Variants in TOX3 observed in about 807,000 individuals in gnomAD.
TOX3 encodes the protein CAG trinucleotide repeat-containing gene F9 protein.
In TOX3, 22 loss-of-function variants were observed where a neutral mutation model predicts 64.3. That is an observed-to-expected ratio of 0.34 (90% CI 0.24 to 0.49). TOX3 has a LOEUF of 0.49. Ranked by LOEUF, TOX3 falls within the 20% of genes least tolerant of loss-of-function variation. The pLI, the probability that TOX3 is intolerant of heterozygous loss-of-function variation, is 0.99. For missense variants in TOX3, 661 were observed against 714.4 expected, an observed-to-expected ratio of 0.93 and a Z score of 0.85; for synonymous variants, 291 against 273.6, an observed-to-expected ratio of 1.06 and a Z score of -0.63.
chr16:52,480,821 G>A (rs1359851664), intron 1 of TOX3, among the ~76,000 whole-genome samples: 6 of 152,164 alleles, frequency 3.9e-5, no homozygotes, highest in African/African-American at 1.4e-4. Flanking sequence ...CTAATGCACA[G>A]ATGCAGATAA....
chr16:52,502,094 A>G (rs1786270175), intron 1 of TOX3, among the ~76,000 whole-genome samples: 1 of 152,226 alleles, frequency 6.6e-6, no homozygotes, highest in Non-Finnish European at 1.5e-5. Context: ...CTGCAACTCC[A>G]TTCTTTCCTA....
intron 3 of TOX3, among the ~76,000 whole-genome samples, chr16:52,463,432 T>G (rs940859156): frequency 1.6e-4 from 24 of 152,224 alleles, no homozygotes; most frequent in Admixed American, 6.5e-5. Flanking sequence ...ACATAATCAC[T>G]TGTTCTATAT....
chr16:52,530,091 T>A (rs898295435), intron 1 of TOX3, among the ~76,000 whole-genome samples: 1 of 152,206 alleles, frequency 6.6e-6, no homozygotes, highest in African/African-American at 2.4e-5. Flanking sequence ...CTTAGATATA[T>A]TATTTCTTCC....
chr16:52,519,665 G>C (rs1962551924), intron 1 of TOX3: 2 of 1,273,610 alleles, frequency 1.6e-6, no homozygotes, highest in South Asian at 3.7e-5. Flanking sequence ...CAAGCAAGAA[G>C]TAGTAGAATG....
rs140151872 is a variant in TOX3, at chr16:52,437,755, C to A, written c.*1470G>T. 7.8e-3 allele frequency among the ~76,000 whole-genome samples: 1,038 copies of A among 132,992 alleles called. 7 individuals carry two copies. The highest frequency in any genetic ancestry group is 0.051 in the Middle Eastern group (12 of 236). The allele number at this position is 132,992 out of a possible 152,430, so 87.2% of individuals were successfully genotyped here. ...TCTAGCCCCCTCAAAAAAGCGATTACTTTTTTCTCTATACTTACCTTGTAC... is the reference window on the plus strand; with the variant it reads ...TCTAGCCCCCTCAAAAAAGCGATTAATTTTTTCTCTATACTTACCTTGTAC... On this transcript the variant is annotated 3_prime_UTR_variant, in exon 7 of 7. Coordinates refer to ENST00000219746, the MANE Select transcript of TOX3 (RefSeq NM_001080430.4).
intron 3 of TOX3, among the ~76,000 whole-genome samples, chr16:52,461,500 C>T (rs1960687817): frequency 6.6e-6 from 1 of 151,988 alleles, no homozygotes; most frequent in Non-Finnish European, 1.5e-5. Context: ...TTGTTGCCAA[C>T]AATAATGCAG....
intron 6 of TOX3, among the ~76,000 whole-genome samples, chr16:52,443,138 C>T (rs1960053311): frequency 6.6e-6 from 1 of 152,214 alleles, no homozygotes; most frequent in African/African-American, 2.4e-5. Context: ...CACTGTTACT[C>T]TATTCACTTC....
chr16:52,442,088 T>C (rs928061574), intron 6 of TOX3, among the ~76,000 whole-genome samples: 2 of 152,240 alleles, frequency 1.3e-5, no homozygotes, highest in Non-Finnish European at 2.9e-5. Context: ...AGTTGCACTA[T>C]TGTGCCTTTA....
At chr16:52,535,612 C>T (rs927265290) in intron 1 of TOX3, among the ~76,000 whole-genome samples, 7 of 152,150 alleles carry the variant, frequency 4.6e-5, no homozygotes, top group Non-Finnish European at 8.8e-5. Context: ...TCATTTAAGA[C>T]GTTGCTGTTC....
intron 1 of TOX3, among the ~76,000 whole-genome samples, chr16:52,490,209 C>T (rs1961640967): frequency 6.6e-6 from 1 of 152,034 alleles, no homozygotes; most frequent in Non-Finnish European, 1.5e-5. Context: ...GTGGCACTTC[C>T]CCCTTCACTC....
intron 1 of TOX3, among the ~76,000 whole-genome samples, chr16:52,483,540 T>G (rs1961421820): frequency 6.6e-6 from 1 of 150,462 alleles, no homozygotes; most frequent in African/African-American, 2.4e-5. Flanking sequence ...TAAAGTTGCT[T>G]CCTCTATTAG....
Position 52,541,295 on chromosome 16 carries a change from G to A in TOX3, c.87+5342C>T, listed in dbSNP as rs555834931. On this transcript the variant is annotated intron_variant, in intron 1 of 6. Transcript: ENST00000219746. ...CACTTGATCTGCAATTTGTCTGGTG[G>A]CAGTAACCTTTCCGGGTTTGAGCAT... 1.1e-4 allele frequency among the ~76,000 whole-genome samples: 17 copies of A among 152,260 alleles called. No homozygotes were observed. In the South Asian group the frequency reaches 3.5e-3, roughly 32 times the overall value.
intron 1 of TOX3, among the ~76,000 whole-genome samples, chr16:52,483,106 T>C (rs1162808833): frequency 2.0e-5 from 3 of 152,136 alleles, no homozygotes; most frequent in Non-Finnish European, 2.9e-5. Context: ...TGCTAAATAC[T>C]CCAGACCAAA....
At position 52,520,800 on chromosome 16, in the gene TOX3, C is replaced by A. The variant is rs780981235; in HGVS notation, c.87+25837G>T. On this transcript the variant is annotated intron_variant, in intron 1 of 6. Transcript: ENST00000219746. ...GTCAAGTTTTGATGCAAATGTGTAA[C>A]CCTAAACATTTTTTTTAATTTGTTT... 5.7e-4 allele frequency among the ~76,000 whole-genome samples: 86 copies of A among 151,856 alleles called. 1 individual carries two copies. The highest frequency in any genetic ancestry group is 3.7e-4 in the Non-Finnish European group (25 of 67,976).
chr16:52,446,458 C>T (rs755750982), intron 4 of TOX3, among the ~76,000 whole-genome samples: 11 of 152,134 alleles, frequency 7.2e-5, no homozygotes, highest in Non-Finnish European at 1.3e-4. Flanking sequence ...ACAACATATG[C>T]TCGAAATAGC....
intron 3 of TOX3, among the ~76,000 whole-genome samples, chr16:52,451,017 G>A (rs763805954): frequency 5.3e-5 from 8 of 152,212 alleles, no homozygotes; most frequent in Non-Finnish European, 1.0e-4. Context: ...GCTGTTATGA[G>A]AGAAGGCGAA....
At chr16:52,448,452 C>A (rs999025482) in intron 4 of TOX3, among the ~76,000 whole-genome samples, 2 of 152,118 alleles carry the variant, frequency 1.3e-5, no homozygotes, top group African/African-American at 2.4e-5. Flanking sequence ...TGTTACCTAA[C>A]CCCATCTGAT....
At chr16:52,495,230 G>T (rs776491755) in intron 1 of TOX3, among the ~76,000 whole-genome samples, 16 of 152,264 alleles carry the variant, frequency 1.1e-4, no homozygotes, top group East Asian at 7.7e-4. Flanking sequence ...AGCCCAGAAC[G>T]TGCTTTTGGA....
At chr16:52,515,500 C>T (rs1224771160) in intron 1 of TOX3, among the ~76,000 whole-genome samples, 1 of 152,200 alleles carries the variant, frequency 6.6e-6, no homozygotes, top group African/African-American at 2.4e-5. Flanking sequence ...TCCCTACCAG[C>T]TTTGGGAAGC....
Sources: allele counts gnomAD v4.1 joint callset (sites outside exome capture counted in the v4.1 genomes callset), GRCh38; gene constraint gnomAD v4.1.1; transcripts MANE v1.5; gene names NCBI Gene and HGNC (gene_info 2026-07-23, HGNC 2026-07-21).